Variants in GRIP1 observed in about 807,000 individuals in gnomAD.
GRIP1 encodes glutamate receptor-interacting protein 1.
In GRIP1, 45 loss-of-function variants were observed where a neutral mutation model predicts 129.9. The observed-to-expected ratio is 0.35, with a 90% CI of 0.27 to 0.44. The LOEUF (loss-of-function observed/expected upper bound fraction) is 0.44, where lower values mean the gene tolerates loss of function less well. Ranked by LOEUF, GRIP1 falls within the 20% of genes least tolerant of loss-of-function variation. GRIP1 has a pLI of 1.00. For missense variants in GRIP1, 1,196 were observed against 1,396.8 expected (o/e 0.86, Z 2.29); for synonymous variants, 530 against 520.8 (o/e 1.02, Z -0.24).
At chr12:66,677,542 TG>T (rs2034395047) in intron 1 of GRIP1, among the ~76,000 whole-genome samples, 1 of 152,186 alleles carries the variant, frequency 6.6e-6, no homozygotes, top group African/African-American at 2.4e-5. Flanking sequence ...ATTGTACGTC[TG>T]TACCAATTGT....
chr12:66,627,465 T>A (rs1007300643), intron 1 of GRIP1, among the ~76,000 whole-genome samples: 4 of 152,240 alleles, frequency 2.6e-5, no homozygotes, highest in African/African-American at 9.6e-5. Flanking sequence ...GTCTGACAAG[T>A]GTCAAAGCTG....
intron 3 of GRIP1, among the ~76,000 whole-genome samples, chr12:66,540,789 C>CTTAT (rs57465336): frequency 0.012 from 1,836 of 151,758 alleles, 41 homozygotes; most frequent in East Asian, 0.1. Context: ...TTTATTTTTA[C>CTTAT]TTATTTATTT....
At position 66,889,700 on chromosome 12, in the gene GRIP1, A is replaced by G. The variant is rs114154922; in HGVS notation, c.58+179350T>C. Among the ~76,000 whole-genome samples, 708 of 152,282 alleles carry G rather than the reference A, an allele frequency of 4.6e-3. 8 individuals are homozygous for G. The highest frequency in any genetic ancestry group is 0.016 in the African/African-American group (662 of 41,558). On this transcript the variant is annotated intron_variant, in intron 1 of 1. Coordinates refer to the GRIP1 transcript ENST00000643019. The stretch of plus-strand genomic sequence containing the variant: ...TTTTCTTAAGCTCATAGTTTATTCT[A>G]TTTGCATAATTTTAAGGCTTAAATG...
chr12:66,510,594 C>A (rs2060669163), intron 7 of GRIP1, among the ~76,000 whole-genome samples: 1 of 151,934 alleles, frequency 6.6e-6, no homozygotes, highest in Admixed American at 6.6e-5. Context: ...TTCCTTATTT[C>A]AAAAAAATTG....
chr12:66,468,451 T>C (rs2059346735), intron 7 of GRIP1, among the ~76,000 whole-genome samples: 1 of 152,228 alleles, frequency 6.6e-6, no homozygotes, highest in Non-Finnish European at 1.5e-5. Context: ...GCCTTTTCAT[T>C]TGAGAGGACT....
At chr12:66,840,905 T>C (rs571946014) in intron 1 of GRIP1, among the ~76,000 whole-genome samples, 3 of 152,216 alleles carry the variant, frequency 2.0e-5, no homozygotes, top group Non-Finnish European at 4.4e-5. Context: ...TCTAACTGGC[T>C]AACATATTTT....
intron 6 of GRIP1, 136 bp from the exon 7 acceptor site, chr12:66,515,900 T>C: frequency 1.4e-6 from 1 of 739,100 alleles, no homozygotes; most frequent in Non-Finnish European, 2.4e-6. Context: ...AAGCATCAAA[T>C]GTGACAGTAA....
intron 1 of GRIP1, among the ~76,000 whole-genome samples, chr12:66,754,955 C>A (rs1282353358): frequency 1.3e-5 from 2 of 152,048 alleles, no homozygotes; most frequent in African/African-American, 2.4e-5. Context: ...AACTATGCCA[C>A]CCTTTAGGAA....
At chr12:66,638,711 A>T (rs558461500) in intron 1 of GRIP1, among the ~76,000 whole-genome samples, 1 of 152,294 alleles carries the variant, frequency 6.6e-6, no homozygotes, top group African/African-American at 2.4e-5. Context: ...AGGTCAGATC[A>T]TCATGTCTAA....
At chr12:67,021,945 TC>T (rs1444137833) in intron 1 of GRIP1, among the ~76,000 whole-genome samples, 1 of 152,166 alleles carries the variant, frequency 6.6e-6, no homozygotes, top group Non-Finnish European at 1.5e-5. Flanking sequence ...CAACATGATA[TC>T]CTCCAGACTC....
At chr12:66,748,739 C>A (rs920163327) in intron 1 of GRIP1, among the ~76,000 whole-genome samples, 1 of 152,116 alleles carries the variant, frequency 6.6e-6, no homozygotes, top group Non-Finnish European at 1.5e-5. Context: ...TCTATATGGT[C>A]TTTTTTTCTA....
At position 66,455,418 on chromosome 12, in the gene GRIP1, T is replaced by C; in HGVS notation, c.1345A>G (p.Lys449Glu). ...MRRRLKKKDFKSSLSLASSTV... is the reference protein window; with the variant it reads ...MRRRLKKKDFESSLSLASSTV... Reference sequence around the variant, plus strand: ...CTGTCATTTCACTTACATGAGCTTTTGAAGTCTTTCTTTTTCAGTCTCCTC... The same window carrying C: ...CTGTCATTTCACTTACATGAGCTTTCGAAGTCTTTCTTTTTCAGTCTCCTC... The change falls in exon 11 of 25, where the codon AAA becomes GAA. Residue 449 changes from lysine (K) to glutamate (E), a missense_variant. Physicochemically the swap from Lys to Glu is moderately conservative, Grantham distance 56 (BLOSUM62 1). This residue lies in a region of GRIP1 where 508 missense variants were observed against 587.0 expected (regional missense o/e 0.87). Coordinates refer to ENST00000359742, the MANE Select transcript of GRIP1 (RefSeq NM_001366722.1). 2.5e-6 allele frequency: 4 copies of C among 1,614,214 alleles called. No individual in the cohort carries two copies. The highest frequency in any genetic ancestry group is 3.4e-6 in the Non-Finnish European group (4 of 1,179,996).
chr12:66,662,378 C>T (rs1285009168), intron 1 of GRIP1, among the ~76,000 whole-genome samples: 2 of 152,272 alleles, frequency 1.3e-5, no homozygotes, highest in Middle Eastern at 3.4e-3. Flanking sequence ...AAGTTAAACA[C>T]AGTATGGTGG....
At chr12:66,930,660 AAAG>A (rs2041379530) in intron 1 of GRIP1, among the ~76,000 whole-genome samples, 2 of 152,220 alleles carry the variant, frequency 1.3e-5, no homozygotes, top group Admixed American at 6.5e-5. Context: ...ATTTCCTGCA[AAAG>A]AATATGTATG....
chr12:66,489,951 T>C (rs2060060835), intron 7 of GRIP1, among the ~76,000 whole-genome samples: 1 of 152,124 alleles, frequency 6.6e-6, no homozygotes, highest in South Asian at 2.1e-4. Context: ...TAAGGAGCAT[T>C]ACAAACCACC....
chr12:66,603,214 T>A (rs2064360911), intron 1 of GRIP1, among the ~76,000 whole-genome samples: 1 of 151,898 alleles, frequency 6.6e-6, no homozygotes, highest in Non-Finnish European at 1.5e-5. Context: ...GAGCACAATT[T>A]CATTTTAAGA....
At chr12:67,013,967 G>A (rs901443352) in intron 1 of GRIP1, among the ~76,000 whole-genome samples, 1 of 152,210 alleles carries the variant, frequency 6.6e-6, no homozygotes, top group Non-Finnish European at 1.5e-5. Flanking sequence ...CTGGGACAAA[G>A]ATGCTCTCTT....
rs1555167297 is a variant in GRIP1 at position 67,037,329 on chromosome 12, A to AAAGAATAAT, written c.58+31720_58+31721insATTATTCTT. ...GGCAACAGAGTGAGACTCTGCCTGA[A>AAAGAATAAT]AATAATAATAATAATAATAATAATA... On this transcript the variant is annotated intron_variant, in intron 1 of 1. Transcript: ENST00000643019. 4 of 139,188 alleles carry AAAGAATAAT rather than the reference A, an allele frequency of 2.9e-5. No individual in the cohort carries two copies. In the Admixed American group the frequency reaches 2.9e-4, roughly 10 times the overall value. 8.6% of individuals were successfully genotyped at this position (139,188 alleles called of 1,614,324 possible).
chr12:66,537,737 T>C lies in GRIP1; in HGVS notation c.418+1341A>G, dbSNP rs915072556. ...TGGCAAACAGAACATGGGCCCTTCATAATTTCATTGTTAGTGATGCCTTTT... is the reference window on the plus strand; with the variant it reads ...TGGCAAACAGAACATGGGCCCTTCACAATTTCATTGTTAGTGATGCCTTTT... On this transcript the variant is annotated intron_variant, in intron 4 of 24. Coordinates refer to ENST00000359742, the MANE Select transcript of GRIP1 (RefSeq NM_001366722.1). Among the ~76,000 whole-genome samples, 141 of 152,310 alleles carry C rather than the reference T, an allele frequency of 9.3e-4. 2 individuals are homozygous for C. Among genetic ancestry groups the C allele is most frequent in the Non-Finnish European group, 1.6e-4 (11 of 68,030 alleles).
Sources: allele counts gnomAD v4.1 joint callset (sites outside exome capture counted in the v4.1 genomes callset), GRCh38; gene constraint gnomAD v4.1.1; regional missense constraint gnomAD v4.1.1; transcripts MANE v1.5; gene names NCBI Gene and HGNC (gene_info 2026-07-23, HGNC 2026-07-21).